Variants in ANGPT1 observed in about 807,000 individuals in gnomAD.
ANGPT1 encodes the protein angiopoietin 1, also known as angiopoietin-1.
A neutral mutation model predicts 62.2 loss-of-function variants in ANGPT1; 17 were observed. The observed-to-expected ratio is 0.27, with a 90% confidence interval of 0.19 to 0.41. The LOEUF (loss-of-function observed/expected upper bound fraction) is 0.41, where lower values mean the gene tolerates loss of function less well. Ranked by LOEUF, ANGPT1 falls within the 10% of genes least tolerant of loss-of-function variation. The pLI, the probability that ANGPT1 is intolerant of heterozygous loss-of-function variation, is 1.00. For missense variants in ANGPT1, 478 were observed against 594.9 expected (o/e 0.80, Z 2.04); for synonymous variants, 199 against 198.9 (o/e 1.00, Z 0.00).
chr8:107,404,944 T>A (rs1817118338), intron 1 of ANGPT1, among the ~76,000 whole-genome samples: 1 of 152,114 alleles, frequency 6.6e-6, no homozygotes, highest in African/African-American at 2.4e-5. Flanking sequence ...CTTTCATAAA[T>A]TTACTCAAGT....
chr8:107,287,233 C>T (rs1814164031), intron 6 of ANGPT1, among the ~76,000 whole-genome samples: 1 of 152,048 alleles, frequency 6.6e-6, no homozygotes, highest in Admixed American at 6.6e-5. Context: ...CTCCAACTTC[C>T]CCAGGGAAAC....
intron 1 of ANGPT1, among the ~76,000 whole-genome samples, chr8:107,486,469 T>C (rs1425497533): frequency 3.9e-5 from 6 of 152,182 alleles, no homozygotes; most frequent in African/African-American, 1.2e-4. Flanking sequence ...GTAAAGTTTT[T>C]CCAATGGTCT....
chr8:107,284,612 T>C (rs1344547374), intron 7 of ANGPT1, 70 bp downstream of exon 7: 2 of 1,268,680 alleles, frequency 1.6e-6, no homozygotes, highest in Non-Finnish European at 2.1e-6. Context: ...CTTTTTTTCA[T>C]ATTTTCCCAC....
At position 107,497,511 on chromosome 8, in the gene ANGPT1, G is replaced by A. The variant is rs1405473465; in HGVS notation, c.48C>T (p.His16=). Residue 16 remains histidine (H), a synonymous_variant, in exon 1 of 9, where the codon CAC becomes CAT. Transcript: ENST00000517746. The stretch of plus-strand genomic sequence containing the variant: ...TTCGGCGCTGATTGCTGCACCCTAT[G>A]TGAGTCAGAATGGCAGCGAGGAAAG... ...SFAFLAAILT[H]IGCSNQRRSP... The A allele has an allele frequency of 1.2e-6, 2 of 1,614,092 alleles. No individual in the cohort carries two copies. Among genetic ancestry groups the A allele is most frequent in the South Asian group, 1.1e-5 (1 of 91,078 alleles).
At chr8:107,257,960 T>G (rs1018165459) in intron 8 of ANGPT1, among the ~76,000 whole-genome samples, 2 of 150,434 alleles carry the variant, frequency 1.3e-5, no homozygotes, top group Non-Finnish European at 3.0e-5. Flanking sequence ...CTTTCTTTCC[T>G]TTCTTTCCTT....
chr8:107,423,460 C>G (rs1022000736), intron 1 of ANGPT1, among the ~76,000 whole-genome samples: 1 of 152,112 alleles, frequency 6.6e-6, no homozygotes, highest in Non-Finnish European at 1.5e-5. Flanking sequence ...GACCTGGGCC[C>G]CCGAAAGGCC....
intron 5 of ANGPT1, among the ~76,000 whole-genome samples, chr8:107,295,858 G>A (rs1814401264): frequency 6.6e-6 from 1 of 152,062 alleles, no homozygotes. Flanking sequence ...GCTTGTTAAG[G>A]ACCAAATAAT....
chr8:107,284,383 T>C (rs895312956), intron 7 of ANGPT1: 2 of 179,568 alleles, frequency 1.1e-5, no homozygotes, highest in South Asian at 1.9e-4. Flanking sequence ...ATCAGTTTTA[T>C]ATATATGAAT....
At chr8:107,428,883 C>T (rs1171139436) in intron 1 of ANGPT1, among the ~76,000 whole-genome samples, 1 of 152,078 alleles carries the variant, frequency 6.6e-6, no homozygotes, top group African/African-American at 2.4e-5. Flanking sequence ...TCTCTTAAAC[C>T]CTCAGGTAAA....
chr8:107,311,187 CAG>C (rs1814852969), intron 4 of ANGPT1, among the ~76,000 whole-genome samples: 1 of 147,468 alleles, frequency 6.8e-6, no homozygotes, highest in South Asian at 2.1e-4. Flanking sequence ...GAGGAAAAGA[CAG>C]AAAATTTTAA....
At chr8:107,439,944 T>C (rs1209296994) in intron 1 of ANGPT1, among the ~76,000 whole-genome samples, 1 of 151,966 alleles carries the variant, frequency 6.6e-6, no homozygotes, top group Non-Finnish European at 1.5e-5. Context: ...ACATGGTGGG[T>C]AATTGGAATG....
chr8:107,400,341 C>T (rs1817020380), intron 1 of ANGPT1, among the ~76,000 whole-genome samples: 1 of 152,098 alleles, frequency 6.6e-6, no homozygotes, highest in African/African-American at 2.4e-5. Context: ...CAGTTTATTC[C>T]CTGCTATAGT....
At chr8:107,354,902 A>G (rs982078386) in intron 1 of ANGPT1, among the ~76,000 whole-genome samples, 3 of 144,404 alleles carry the variant, frequency 2.1e-5, no homozygotes, top group Non-Finnish European at 3.0e-5. Context: ...TTAAATCCAC[A>G]CCAGATGGTG....
intron 1 of ANGPT1, among the ~76,000 whole-genome samples, chr8:107,445,313 T>G (rs1811588122): frequency 6.6e-6 from 1 of 152,192 alleles, no homozygotes; most frequent in African/African-American, 2.4e-5. Context: ...ATCATTGTAT[T>G]TGGATGCAAT....
chr8:107,370,338 GAAAA>G (rs56758955), intron 1 of ANGPT1, among the ~76,000 whole-genome samples: 1 of 33,760 alleles, frequency 3.0e-5, no homozygotes, highest in African/African-American at 8.4e-5. Context: ...AGGAAAGAAA[GAAAA>G]AGAAAGAAAG....
At chr8:107,362,012 G>A (rs897181508) in intron 1 of ANGPT1, among the ~76,000 whole-genome samples, 4 of 152,096 alleles carry the variant, frequency 2.6e-5, no homozygotes, top group African/African-American at 9.7e-5. Flanking sequence ...CTGAGATCGC[G>A]CCACTGCACT....
intron 1 of ANGPT1, among the ~76,000 whole-genome samples, chr8:107,433,684 A>G (rs1186131279): frequency 1.3e-5 from 2 of 152,222 alleles, no homozygotes; most frequent in Non-Finnish European, 2.9e-5. Flanking sequence ...TCTAGGACCA[A>G]TCCTTCAAAC....
chr8:107,252,590 G>A (rs115250732), intron 8 of ANGPT1, among the ~76,000 whole-genome samples: 1,711 of 152,140 alleles, frequency 0.011, 27 homozygotes, highest in African/African-American at 0.039. Context: ...TTTAATTAAC[G>A]TACCCTCTCT....
At position 107,322,785 on chromosome 8, in the gene ANGPT1, T is replaced by A. The variant is rs147074859; in HGVS notation, c.576-657A>T. The A allele has an allele frequency of 3.0e-3, 791 of 264,244 alleles. 3 individuals are homozygous for A. The highest frequency in any genetic ancestry group is 0.017 in the African/African-American group (742 of 43,466). 16.4% of individuals were successfully genotyped at this position (264,244 alleles called of 1,614,324 possible). ...ATATTAGAAAATGCTCAAAATATGTTAGGTGAAAAAAGAAAAAACAGCAAT... is the reference window on the plus strand; with the variant it reads ...ATATTAGAAAATGCTCAAAATATGTAAGGTGAAAAAAGAAAAAACAGCAAT... On this transcript the variant is annotated intron_variant, in intron 3 of 8. Transcript: ENST00000517746.
Sources: allele counts gnomAD v4.1 joint callset (sites outside exome capture counted in the v4.1 genomes callset), GRCh38; gene constraint gnomAD v4.1.1; transcripts MANE v1.5; gene names NCBI Gene and HGNC (gene_info 2026-07-23, HGNC 2026-07-21).